SLIT1: variants seen among roughly 807,000 people sequenced by gnomAD.
The protein encoded by SLIT1 is slit homolog 1 protein.
SLIT1 carries 66 observed loss-of-function variants against 186.1 expected under a neutral mutation model. That is an observed-to-expected ratio of 0.35 (90% CI 0.29 to 0.44). The LOEUF (loss-of-function observed/expected upper bound fraction) is 0.44, where lower values mean the gene tolerates loss of function less well. Ranked by LOEUF, SLIT1 falls within the 20% of genes least tolerant of loss-of-function variation. SLIT1 has a pLI of 1.00. For missense variants in SLIT1, 1,638 were observed against 2,037.4 expected, an observed-to-expected ratio of 0.80 and a Z score of 3.77; for synonymous variants, 761 against 833.8, an observed-to-expected ratio of 0.91 and a Z score of 1.50.
chr10:97,120,810 A>G (rs1339932680), intron 4 of SLIT1, among the ~76,000 whole-genome samples: 3 of 152,158 alleles, frequency 2.0e-5, no homozygotes, highest in Admixed American at 6.5e-5. Flanking sequence ...AAAGGCCCCT[A>G]TCACCCACTG....
intron 4 of SLIT1, among the ~76,000 whole-genome samples, chr10:97,067,529 T>G (rs1443453466): frequency 1.3e-5 from 2 of 152,218 alleles, no homozygotes; most frequent in Non-Finnish European, 2.9e-5. Flanking sequence ...GCTAAGCAAC[T>G]TCTTCAAGGT....
At chr10:97,063,155 G>C (rs1848908790) in intron 8 of SLIT1, among the ~76,000 whole-genome samples, 1 of 152,114 alleles carries the variant, frequency 6.6e-6, no homozygotes, top group African/African-American at 2.4e-5. Context: ...GGACAGGAGG[G>C]AAAAGGAGAG....
intron 4 of SLIT1, among the ~76,000 whole-genome samples, chr10:97,078,655 G>C (rs964616121): frequency 7.6e-6 from 1 of 130,876 alleles, no homozygotes. Flanking sequence ...AACTAGCTTC[G>C]TCCTCTTCAA....
intron 4 of SLIT1, among the ~76,000 whole-genome samples, chr10:97,104,080 A>C (rs1000533969): frequency 6.6e-6 from 1 of 151,986 alleles, no homozygotes. Context: ...GGAGGTGAGT[A>C]CTACAGAGAA....
chr10:97,010,921 C>G lies in SLIT1; in HGVS notation c.3341+72G>C. On this transcript the variant is annotated intron_variant, in intron 31 of 36. Coordinates refer to ENST00000266058, the MANE Select transcript of SLIT1 (RefSeq NM_003061.3). The surrounding 1 kb of genome is among the most constrained non-coding windows in gnomAD (Gnocchi z 4.8). ...CCCACACCCCTTTCCTTCGCCATGG[C>G]TGGAGGCTCCTGCCAGCCCAGGGGC... The G allele has an allele frequency of 6.7e-7, 1 of 1,491,392 alleles. No individual in the cohort carries two copies. Among genetic ancestry groups the G allele is most frequent in the East Asian group, 2.3e-5 (1 of 43,756 alleles). The allele number at this position is 1,491,392 out of a possible 1,614,324, so 92.4% of individuals were successfully genotyped here.
Position 97,021,471 on chromosome 10 carries a change from G to A in SLIT1, c.2583-58C>T. 6.5e-7 allele frequency: 1 copy of A among 1,539,062 alleles called. No individual in the cohort carries two copies. Among genetic ancestry groups the A allele is most frequent in the East Asian group, 2.3e-5 (1 of 43,438 alleles). On this transcript the variant is annotated intron_variant, in intron 25 of 36. Transcript: ENST00000266058. The surrounding 1 kb of genome is among the most constrained non-coding windows in gnomAD (Gnocchi z 4.5). The stretch of plus-strand genomic sequence containing the variant: ...AGCTTCATGGGGTCCCTCGCCCACT[G>A]GGAACCTAGAGTCCCAGGCACTGCA...
intron 2 of SLIT1, among the ~76,000 whole-genome samples, chr10:97,164,449 G>C (rs766038061): frequency 6.6e-6 from 1 of 152,196 alleles, no homozygotes. Flanking sequence ...CCTGGGAAGC[G>C]GCAGAGGTTG....
intron 18 of SLIT1, among the ~76,000 whole-genome samples, chr10:97,044,090 G>T (rs2134623015): frequency 6.6e-6 from 1 of 152,346 alleles, no homozygotes; most frequent in South Asian, 2.1e-4. Context: ...ATCTGGAAAA[G>T]CTGCTGTTCA....
At chr10:97,025,375 G>C (rs1218847678) in intron 25 of SLIT1, among the ~76,000 whole-genome samples, 1 of 152,184 alleles carries the variant, frequency 6.6e-6, no homozygotes, top group Non-Finnish European at 1.5e-5. Context: ...ATAAATTCTG[G>C]ATTGGCCCAC....
At chr10:97,142,634 T>C (rs1849778020) in intron 4 of SLIT1, among the ~76,000 whole-genome samples, 1 of 152,154 alleles carries the variant, frequency 6.6e-6, no homozygotes. Context: ...TACATCAAAC[T>C]TAAAACCATG....
chr10:97,022,841 C>G lies in SLIT1; in HGVS notation c.2583-1428G>C, dbSNP rs1589365818. Among the ~76,000 whole-genome samples, 1 of 152,352 alleles carries G rather than the reference C, an allele frequency of 6.6e-6. No individual in the cohort carries two copies. The highest frequency in any genetic ancestry group is 2.1e-4 in the South Asian group (1 of 4,828). Reference sequence around the variant, plus strand: ...TTTCCCACACGTACACACGTGGTTCCTCCTTACAAATCACATCACTACTGA... The same window carrying G: ...TTTCCCACACGTACACACGTGGTTCGTCCTTACAAATCACATCACTACTGA... On this transcript the variant is annotated intron_variant, in intron 25 of 36. Coordinates refer to ENST00000266058, the MANE Select transcript of SLIT1 (RefSeq NM_003061.3). The surrounding 1 kb of genome is among the most constrained non-coding windows in gnomAD (Gnocchi z 4.2).
intron 13 of SLIT1, among the ~76,000 whole-genome samples, chr10:97,055,333 G>A (rs1848827054): frequency 6.6e-6 from 1 of 152,150 alleles, no homozygotes; most frequent in African/African-American, 2.4e-5. Context: ...TGGAAGCTGG[G>A]TGATGAAAAC....
chr10:97,184,688 C>T lies in SLIT1; in HGVS notation c.197+790G>A, dbSNP rs1451869643. Among the ~76,000 whole-genome samples, 1 of 152,200 alleles carries T rather than the reference C, an allele frequency of 6.6e-6. No homozygotes were observed. The highest frequency in any genetic ancestry group is 1.5e-5 in the Non-Finnish European group (1 of 68,034). ...GAGACAGAACAGGGGAAGAGAAATG[C>T]TATTTTTTTATTACTTGTCATGGTC... On this transcript the variant is annotated intron_variant, in intron 1 of 36. Transcript: ENST00000266058. The surrounding 1 kb of genome is among the most constrained non-coding windows in gnomAD (Gnocchi z 4.4).
intron 4 of SLIT1, among the ~76,000 whole-genome samples, chr10:97,069,460 G>T (rs150611043): frequency 6.6e-6 from 1 of 152,202 alleles, no homozygotes; most frequent in Non-Finnish European, 1.5e-5. Context: ...TGGTCTGCTG[G>T]GGACCCCCAA....
chr10:97,137,979 C>A (rs576257307), intron 4 of SLIT1, among the ~76,000 whole-genome samples: 7 of 152,344 alleles, frequency 4.6e-5, no homozygotes, highest in Non-Finnish European at 2.9e-5. Flanking sequence ...AGTAGCAGAG[C>A]TATTGGATTC....
intron 1 of SLIT1, among the ~76,000 whole-genome samples, chr10:97,179,684 G>C (rs1850304787): frequency 6.6e-6 from 1 of 152,074 alleles, no homozygotes; most frequent in Non-Finnish European, 1.5e-5. Context: ...CTCTCTCAAC[G>C]ACGCTATGCA....
At chr10:97,073,638 G>A (rs981576350) in intron 4 of SLIT1, among the ~76,000 whole-genome samples, 1 of 152,178 alleles carries the variant, frequency 6.6e-6, no homozygotes, top group Non-Finnish European at 1.5e-5. Context: ...CTTCTGACAA[G>A]CACCTGGGGG....
At chr10:97,033,780 A>G (rs1484298626) in intron 23 of SLIT1, among the ~76,000 whole-genome samples, 2 of 152,182 alleles carry the variant, frequency 1.3e-5, no homozygotes, top group Admixed American at 1.3e-4. Flanking sequence ...ATCCTCATAA[A>G]GTCAGGACAG....
chr10:97,062,859 A>G (rs1848905898), intron 8 of SLIT1, among the ~76,000 whole-genome samples: 1 of 152,226 alleles, frequency 6.6e-6, no homozygotes, highest in African/African-American at 2.4e-5. Flanking sequence ...TGGCTGTAGT[A>G]TAAGCCAGGG....
Sources: gnomAD v4.1 joint callset for allele counts (sites outside exome capture counted in the v4.1 genomes callset) on GRCh38, gnomAD v4.1.1 for gene constraint, Gnocchi (gnomAD v3.1) non-coding constraint, MANE v1.5 for transcripts, NCBI Gene and HGNC (gene_info 2026-07-23, HGNC 2026-07-21) for gene names.